ZFAND4: variants seen among roughly 807,000 people sequenced by gnomAD.
ZFAND4 encodes AN1-type zinc finger protein 4.
ZFAND4 carries 43 observed loss-of-function variants against 64.4 expected under a neutral mutation model. The ratio of observed to expected loss-of-function variants is 0.67; its 90% CI spans 0.52 to 0.86. The LOEUF is 0.86. Ranked by LOEUF, ZFAND4 falls within the 40% of genes least tolerant of loss-of-function variation. The pLI is 0.00. For missense variants in ZFAND4, 929 were observed against 859.8 expected, an observed-to-expected ratio of 1.08 and a Z score of -1.01; for synonymous variants, 296 against 305.7, an observed-to-expected ratio of 0.97 and a Z score of 0.33.
chr10:45,648,400 G>A lies in ZFAND4; in HGVS notation c.463C>T (p.Pro155Ser), dbSNP rs1417323004. 6.2e-7 allele frequency: 1 copy of A among 1,613,842 alleles called. No individual in the cohort carries two copies. Among genetic ancestry groups the A allele is most frequent in the Non-Finnish European group, 8.5e-7 (1 of 1,179,966 alleles). Residue 155 changes from proline (P) to serine (S), a missense_variant, in exon 5 of 10, where the codon CCT (proline) becomes TCT (serine). Physicochemically the swap from Pro to Ser is moderately conservative, Grantham distance 74. Coordinates refer to ENST00000344646, the MANE Select transcript of ZFAND4 (RefSeq NM_174890.4). The stretch of plus-strand genomic sequence containing the variant: ...GTGCCATCTCCCCTATCTACTGCAG[G>A]AAAGAAATTCAATTGATCTCCTTCT... ...YQEGDQLNFF[P>S]AVDRGDGTLT...
intron 4 of ZFAND4, chr10:45,649,927 T>C (rs759144953): frequency 6.6e-6 from 1 of 152,220 alleles, no homozygotes; most frequent in Non-Finnish European, 1.5e-5. Flanking sequence ...ACAGGGTGCC[T>C]TACTCAGGCA....
At chr10:45,659,252 T>G (rs1275622106) in intron 2 of ZFAND4, among the ~76,000 whole-genome samples, 1 of 152,154 alleles carries the variant, frequency 6.6e-6, no homozygotes, top group African/African-American at 2.4e-5. Flanking sequence ...ACTGCAAGAT[T>G]TAATCATAAG....
At chr10:45,628,475 A>C (rs1326233889) in intron 6 of ZFAND4, among the ~76,000 whole-genome samples, 1 of 152,070 alleles carries the variant, frequency 6.6e-6, no homozygotes, top group Non-Finnish European at 1.5e-5. Context: ...TGTCCAGGTA[A>C]TTTTTGTATT....
intron 6 of ZFAND4, among the ~76,000 whole-genome samples, chr10:45,636,809 C>T (rs964205637): frequency 4.6e-5 from 7 of 152,056 alleles, no homozygotes; most frequent in African/African-American, 1.2e-4. Flanking sequence ...TCTCCTAAAT[C>T]CTTCACTGAT....
At position 45,663,722 on chromosome 10, in the gene ZFAND4, C is replaced by T; in HGVS notation, c.4G>A (p.Asp2Asn). M[D>N]NRKEPPFFND... Reference sequence around the variant, plus strand: ...AAGAATGGAGGCTCTTTTCTGTTATCCATTACTTTGACTTTTCTAGTTCTT... The same window carrying T: ...AAGAATGGAGGCTCTTTTCTGTTATTCATTACTTTGACTTTTCTAGTTCTT... The change falls in exon 2 of 10, where the codon GAT becomes AAT. Residue 2 changes from aspartate to asparagine, a missense_variant. Physicochemically the swap from Asp to Asn is conservative, Grantham distance 23 (BLOSUM62 1). Coordinates refer to ENST00000344646, the MANE Select transcript of ZFAND4 (RefSeq NM_174890.4). 1.9e-6 allele frequency: 3 copies of T among 1,593,362 alleles called. No individual in the cohort carries two copies. The highest frequency in any genetic ancestry group is 2.6e-6 in the Non-Finnish European group (3 of 1,174,694).
rs188750876 is a variant in ZFAND4 at position 45,659,810 on chromosome 10, T to G, written c.184+3732A>C. On this transcript the variant is annotated intron_variant, in intron 2 of 9. Transcript: ENST00000344646. ...AAAAGTAGATGTTAAAAATAAAAGC[T>G]CCAACAGAAATAAAGAATGCCTTTG... Among the ~76,000 whole-genome samples, 193 of 152,116 alleles carry G rather than the reference T, an allele frequency of 1.3e-3. 1 individual carries two copies. The highest frequency in any genetic ancestry group is 4.3e-3 in the African/African-American group (178 of 41,508).
At chr10:45,636,127 T>C (rs1036714194) in intron 6 of ZFAND4, among the ~76,000 whole-genome samples, 2 of 152,156 alleles carry the variant, frequency 1.3e-5, no homozygotes, top group Non-Finnish European at 2.9e-5. Context: ...TGCAAGACTA[T>C]TTTATATTTT....
At chr10:45,643,728 G>C (rs1389500752) in intron 5 of ZFAND4, among the ~76,000 whole-genome samples, 3 of 148,210 alleles carry the variant, frequency 2.0e-5, no homozygotes, top group Non-Finnish European at 4.5e-5. Flanking sequence ...AAAAAGATTT[G>C]AGACTAAAAA....
chr10:45,633,201 A>G (rs1178205297), intron 6 of ZFAND4, among the ~76,000 whole-genome samples: 1 of 151,196 alleles, frequency 6.6e-6, no homozygotes, highest in Non-Finnish European at 1.5e-5. Context: ...TCATTCTAAG[A>G]CAGATCAAGT....
Position 45,672,399 on chromosome 10 carries a change from C to G in ZFAND4, c.-267G>C, listed in dbSNP as rs3824617. On this transcript the variant is annotated 5_prime_UTR_variant, in exon 1 of 10. Coordinates refer to ENST00000344646, the MANE Select transcript of ZFAND4 (RefSeq NM_174890.4). ...GCACCCGTCGGGAAAGCCGCGTACC[C>G]GTTGAAGCTGGCGTCACGCCCAAAG... is the stretch of plus-strand genomic sequence containing the variant. The G allele has an allele frequency of 4.1e-4, 63 of 152,336 alleles. No homozygotes were observed. The highest frequency in any genetic ancestry group is 1.4e-3 in the African/African-American group (57 of 41,576). 9.4% of individuals were successfully genotyped at this position (152,336 alleles called of 1,614,324 possible).
chr10:45,650,285 T>TCA (rs1444102538), intron 4 of ZFAND4: 4 of 152,122 alleles, frequency 2.6e-5, no homozygotes. Flanking sequence ...GCCTCCTGAG[T>TCA]AGCCCGCCAC....
intron 4 of ZFAND4, chr10:45,651,454 C>A: frequency 2.4e-6 from 1 of 411,776 alleles, no homozygotes. Context: ...ATTCAGTAGA[C>A]GCTCAATACG....
rs2044919780 is a variant in ZFAND4 at position 45,616,015 on chromosome 10, A to G, written c.*421T>C. The G allele has an allele frequency of 6.5e-6, 1 of 153,258 alleles. No homozygotes were observed. The highest frequency in any genetic ancestry group is 1.5e-5 in the Non-Finnish European group (1 of 68,486). 9.5% of individuals were successfully genotyped at this position (153,258 alleles called of 1,614,324 possible). A position where few individuals can be genotyped will look rare whatever the true frequency, so the allele number is the denominator to read the frequency against. On this transcript the variant is annotated 3_prime_UTR_variant, in exon 10 of 10. Transcript: ENST00000344646. ...AAAAAAAAAGAAGGAGAAGAATAAA[A>G]GAAAGAAAAAGAAAAAACCCATATG...
Position 45,626,956 on chromosome 10 carries a change from G to C in ZFAND4, c.867C>G (p.Pro289=). Residue 289 remains proline, a synonymous_variant, in exon 7 of 10, where the codon CCC becomes CCG. Transcript: ENST00000344646. ...CSPAFGNAYP[P]EISRNGISSL... is the part of the protein sequence containing the mutation. ...TTGAAATTCCATTCCTGGAGATTTC[G>C]GGCGGATATGCATTCCCAAAAGCAG... 6.2e-7 allele frequency: 1 copy of C among 1,614,158 alleles called. No homozygotes were observed. Among genetic ancestry groups the C allele is most frequent in the Non-Finnish European group, 8.5e-7 (1 of 1,180,018 alleles).
chr10:45,636,353 G>A (rs2046593208), intron 6 of ZFAND4, among the ~76,000 whole-genome samples: 1 of 152,072 alleles, frequency 6.6e-6, no homozygotes, highest in Non-Finnish European at 1.5e-5. Flanking sequence ...ATTTGAAACT[G>A]GTCTAGGCGC....
intron 7 of ZFAND4, among the ~76,000 whole-genome samples, chr10:45,625,083 G>A (rs982033329): frequency 4.0e-5 from 6 of 151,216 alleles, no homozygotes; most frequent in East Asian, 3.9e-4. Flanking sequence ...AGACTGAGGC[G>A]GGAGGATTGC....
At chr10:45,666,574 T>C (rs1436042744) in intron 1 of ZFAND4, among the ~76,000 whole-genome samples, 1 of 152,232 alleles carries the variant, frequency 6.6e-6, no homozygotes, top group Non-Finnish European at 1.5e-5. Context: ...TCTTTTATCA[T>C]ACTTAAAAAG....
rs749721363 is a variant in ZFAND4, at chr10:45,663,809, A to C, written c.-84T>G. On this transcript the variant is annotated 5_prime_UTR_variant, in exon 2 of 10. It introduces an in-frame stop codon into an upstream open reading frame of the 5' UTR. Transcript: ENST00000344646. ...GGCAAACCAGGTTTGAAGATTGGTAATATATATTGTTGTTCATGTTTTGAG... is the reference window on the plus strand; with the variant it reads ...GGCAAACCAGGTTTGAAGATTGGTACTATATATTGTTGTTCATGTTTTGAG... 178 of 1,205,472 alleles carry C rather than the reference A, an allele frequency of 1.5e-4. No homozygotes were observed. Among genetic ancestry groups the C allele is most frequent in the Non-Finnish European group, 1.9e-4 (170 of 878,254 alleles). The allele number at this position is 1,205,472 out of a possible 1,614,324, so 74.7% of individuals were successfully genotyped here.
chr10:45,643,996 A>G (rs1171830952), intron 5 of ZFAND4, among the ~76,000 whole-genome samples: 1 of 152,234 alleles, frequency 6.6e-6, no homozygotes, highest in African/African-American at 2.4e-5. Context: ...GTTTTATTGG[A>G]ACAAAGCCAT....
Sources: allele counts gnomAD v4.1 joint callset (sites outside exome capture counted in the v4.1 genomes callset), GRCh38; gene constraint gnomAD v4.1.1; transcripts MANE v1.5; gene names NCBI Gene and HGNC (gene_info 2026-07-23, HGNC 2026-07-21).